The following EXOC4 variants were observed in gnomAD, a reference collection of about 807,000 sequenced individuals.
The protein encoded by EXOC4 is SEC8-like 1.
EXOC4 carries 71 observed loss-of-function variants against 107.2 expected under a neutral mutation model. That is an observed-to-expected ratio of 0.66 (90% confidence interval 0.55 to 0.81). EXOC4 has a LOEUF of 0.81. Ranked by LOEUF, EXOC4 falls within the 30% of genes least tolerant of loss-of-function variation. The pLI, the probability that EXOC4 is intolerant of heterozygous loss-of-function variation, is 0.00. For missense variants in EXOC4, 1,108 were observed against 1,189.6 expected, an observed-to-expected ratio of 0.93 and a Z score of 1.01; for synonymous variants, 456 against 441.2, an observed-to-expected ratio of 1.03 and a Z score of -0.42.
At chr7:133,981,722 C>T (rs912007139) in intron 14 of EXOC4, among the ~76,000 whole-genome samples, 2 of 151,946 alleles carry the variant, frequency 1.3e-5, no homozygotes, top group Non-Finnish European at 1.5e-5. Context: ...ACAGAACTAC[C>T]GTTCTACCCA....
intron 13 of EXOC4, among the ~76,000 whole-genome samples, chr7:133,922,773 CAA>C (rs1799965408): frequency 6.6e-6 from 1 of 151,440 alleles, no homozygotes; most frequent in African/African-American, 2.4e-5. Flanking sequence ...GGTGTGAACC[CAA>C]GAGGCGAGGC....
intron 13 of EXOC4, 85 bp downstream of exon 13, chr7:133,917,823 C>A: frequency 7.5e-7 from 1 of 1,334,468 alleles, no homozygotes; most frequent in South Asian, 1.5e-5. Flanking sequence ...GAAATTTAGG[C>A]AAATTCTAAA....
At chr7:133,712,178 G>T (rs932232981) in intron 10 of EXOC4, among the ~76,000 whole-genome samples, 1 of 152,086 alleles carries the variant, frequency 6.6e-6, no homozygotes, top group African/African-American at 2.4e-5. Context: ...AGTGGCTCAC[G>T]CCTGTAATCC....
intron 11 of EXOC4, among the ~76,000 whole-genome samples, chr7:133,869,370 C>G (rs564935894): frequency 7.9e-5 from 12 of 152,210 alleles, no homozygotes; most frequent in African/African-American, 2.9e-4. Context: ...TAGTTGTGTT[C>G]TCTTGGGCAA....
chr7:133,597,413 G>T (rs1035534975), intron 9 of EXOC4, among the ~76,000 whole-genome samples: 1 of 152,046 alleles, frequency 6.6e-6, no homozygotes, highest in Non-Finnish European at 1.5e-5. Context: ...AATAAGCCAG[G>T]CATGGTGGCA....
At chr7:133,474,134 G>A (rs1010408146) in intron 7 of EXOC4, among the ~76,000 whole-genome samples, 1 of 152,078 alleles carries the variant, frequency 6.6e-6, no homozygotes, top group African/African-American at 2.4e-5. Context: ...TTTTCTAGTT[G>A]TTTTATAACT....
chr7:133,453,447 C>T (rs1457611416), intron 7 of EXOC4, among the ~76,000 whole-genome samples: 1 of 152,082 alleles, frequency 6.6e-6, no homozygotes, highest in East Asian at 1.9e-4. Flanking sequence ...GCACGCAGAT[C>T]TGTAATCATT....
intron 9 of EXOC4, among the ~76,000 whole-genome samples, chr7:133,580,914 T>C (rs1406642717): frequency 6.6e-6 from 1 of 152,204 alleles, no homozygotes; most frequent in Non-Finnish European, 1.5e-5. Flanking sequence ...GTGTTCAATA[T>C]AGGTATGATA....
At chr7:133,494,827 A>G (rs987326793) in intron 9 of EXOC4, among the ~76,000 whole-genome samples, 1 of 152,200 alleles carries the variant, frequency 6.6e-6, no homozygotes, top group Admixed American at 6.6e-5. Flanking sequence ...ATAATGCCCA[A>G]GAGGAATAAT....
chr7:133,763,154 C>T (rs1208385169), intron 10 of EXOC4, among the ~76,000 whole-genome samples: 1 of 152,078 alleles, frequency 6.6e-6, no homozygotes, highest in Non-Finnish European at 1.5e-5. Flanking sequence ...ATATATATCC[C>T]AGTGAGTAAA....
chr7:133,518,798 CAGAA>C (rs1304059184), intron 9 of EXOC4, among the ~76,000 whole-genome samples: 8 of 151,738 alleles, frequency 5.3e-5, no homozygotes, highest in Non-Finnish European at 1.5e-5. Flanking sequence ...TTCATAGAAA[CAGAA>C]AGAATGATGG....
chr7:133,560,980 G>C (rs1800793768), intron 9 of EXOC4, among the ~76,000 whole-genome samples: 1 of 151,990 alleles, frequency 6.6e-6, no homozygotes, highest in African/African-American at 2.4e-5. Context: ...CAGTGACTCA[G>C]TAAAGTCAAA....
chr7:133,864,659 A>G (rs1798599618), intron 11 of EXOC4, among the ~76,000 whole-genome samples: 1 of 152,256 alleles, frequency 6.6e-6, no homozygotes, highest in Non-Finnish European at 1.5e-5. Flanking sequence ...ATAGATAATT[A>G]TGGAACAAGA....
intron 10 of EXOC4, among the ~76,000 whole-genome samples, chr7:133,639,755 A>G (rs1802805951): frequency 6.6e-6 from 1 of 152,088 alleles, no homozygotes; most frequent in Admixed American, 6.6e-5. Flanking sequence ...TGATGTTTTT[A>G]TGTTGTTTTT....
intron 10 of EXOC4, among the ~76,000 whole-genome samples, chr7:133,760,498 C>T (rs1268026521): frequency 1.3e-5 from 2 of 152,072 alleles, no homozygotes; most frequent in Non-Finnish European, 2.9e-5. Flanking sequence ...TCTCAGAATT[C>T]AGTGTCTTCT....
At chr7:133,793,413 CG>C (rs1311528883) in intron 10 of EXOC4, among the ~76,000 whole-genome samples, 2 of 152,124 alleles carry the variant, frequency 1.3e-5, no homozygotes, top group East Asian at 1.9e-4. Context: ...ACAGACCCCA[CG>C]GTGAGGATCT....
chr7:133,376,291 T>C (rs114554612), intron 7 of EXOC4, among the ~76,000 whole-genome samples: 98 of 152,318 alleles, frequency 6.4e-4, no homozygotes, highest in African/African-American at 2.3e-3. Flanking sequence ...GTGAATATTT[T>C]TGTATTGAAT....
intron 9 of EXOC4, among the ~76,000 whole-genome samples, chr7:133,549,769 G>A (rs1181319226): frequency 6.6e-6 from 1 of 152,124 alleles, no homozygotes; most frequent in Non-Finnish European, 1.5e-5. Flanking sequence ...ACCAAGGACA[G>A]CACAAGAAAT....
intron 2 of EXOC4, among the ~76,000 whole-genome samples, chr7:133,275,431 A>T (rs926773980): frequency 6.6e-6 from 1 of 152,190 alleles, no homozygotes; most frequent in Admixed American, 6.5e-5. Context: ...GACAAGCAAG[A>T]TGGCCTCCAT....
Sources: allele counts gnomAD v4.1 joint callset (sites outside exome capture counted in the v4.1 genomes callset), GRCh38; gene constraint gnomAD v4.1.1; transcripts MANE v1.5; gene names NCBI Gene and HGNC (gene_info 2026-07-23, HGNC 2026-07-21).